PLCZ1: variants seen among roughly 807,000 people sequenced by gnomAD.
PLCZ1 encodes the protein phospholipase C zeta 1.
PLCZ1 carries 64 observed loss-of-function variants against 76.8 expected under a neutral mutation model. That is an observed-to-expected ratio of 0.83 (90% CI 0.68 to 1.03). The LOEUF is 1.03. Ranked by LOEUF, PLCZ1 falls within the 50% of genes least tolerant of loss-of-function variation. The probability of loss-of-function intolerance (pLI) is 0.00; values close to 1 mark genes in which losing one functional copy is unlikely to be tolerated. For missense variants in PLCZ1, 751 were observed against 713.7 expected (o/e 1.05, Z -0.60); for synonymous variants, 248 against 230.8 (o/e 1.07, Z -0.68).
At chr12:18,688,630 C>T (rs1416639685) in intron 12 of PLCZ1, among the ~76,000 whole-genome samples, 1 of 151,618 alleles carries the variant, frequency 6.6e-6, no homozygotes, top group Non-Finnish European at 1.5e-5. Flanking sequence ...CCATTTAACT[C>T]CCTGTGATAG....
intron 11 of PLCZ1, among the ~76,000 whole-genome samples, chr12:18,695,432 T>C (rs1030686479): frequency 1.3e-5 from 2 of 152,120 alleles, no homozygotes; most frequent in Admixed American, 6.6e-5. Flanking sequence ...GGTAAAGACA[T>C]CAACTATGTC....
chr12:18,713,018 T>G (rs1957523508), intron 5 of PLCZ1, 32 bp from the exon 6 acceptor site: 1 of 1,612,288 alleles, frequency 6.2e-7, no homozygotes, highest in Non-Finnish European at 8.5e-7. Flanking sequence ...AAAATGTTAC[T>G]CCTGGACCAT....
At chr12:18,693,590 C>T (rs1592046982) in intron 12 of PLCZ1, 10 of 1,590,304 alleles carry the variant, frequency 6.3e-6, no homozygotes, top group Non-Finnish European at 8.6e-6. Context: ...GGAATTGTTT[C>T]GAGTTGCTGA....
At position 18,684,033 on chromosome 12, in the gene PLCZ1, T is replaced by A. The variant is rs542904950; in HGVS notation, c.1741+97A>T. The A allele has an allele frequency of 5.7e-6, 8 of 1,398,424 alleles. No individual in the cohort carries two copies. The South Asian group carries it at 9.7e-5, about 17-fold the overall frequency. The allele number at this position is 1,398,424 out of a possible 1,614,324, so 86.6% of individuals were successfully genotyped here. On this transcript the variant is annotated intron_variant, in intron 14 of 14. Transcript: ENST00000266505. ...ACATAAAATTTCCTTTACATCCTACTTTATGATAGAGCTATTTGGTATGTC... is the reference window on the plus strand; with the variant it reads ...ACATAAAATTTCCTTTACATCCTACATTATGATAGAGCTATTTGGTATGTC...
At chr12:18,731,434 T>C (rs1455984453) in intron 3 of PLCZ1, among the ~76,000 whole-genome samples, 1 of 152,102 alleles carries the variant, frequency 6.6e-6, no homozygotes. Context: ...GTGTGTCACT[T>C]GTTCCTCTTC....
the PLCZ1 span, among the ~76,000 whole-genome samples, chr12:18,662,999 C>G: frequency 6.6e-6 from 1 of 152,018 alleles, no homozygotes; most frequent in Admixed American, 6.6e-5. Context: ...ACAGAAGTGC[C>G]TCCATATCAG....
rs1353788175 is a variant in PLCZ1, at chr12:18,701,732, G to C, written c.909C>G (p.Thr303=). Residue 303 remains threonine (T), a synonymous_variant, in exon 8 of 15, where the codon ACC becomes ACG. Transcript: ENST00000266505. ...KILVKNKKIG[T]LKETHERKGS... is the part of the protein sequence containing the mutation. ...CTTTTCTTTCATGGGTTTCCTTTAAGGTTCCTATTTTCTTATTTTTAACTA... is the reference window on the plus strand; with the variant it reads ...CTTTTCTTTCATGGGTTTCCTTTAACGTTCCTATTTTCTTATTTTTAACTA... The C allele has an allele frequency of 1.2e-6, 2 of 1,610,920 alleles. No homozygotes were observed. The highest frequency in any genetic ancestry group is 1.7e-6 in the Non-Finnish European group (2 of 1,178,938).
At chr12:18,683,683 A>C in intron 14 of PLCZ1, 1 of 1,228,356 alleles carries the variant, frequency 8.1e-7, no homozygotes, top group Non-Finnish European at 1.1e-6. Context: ...CACAGTGTAA[A>C]TCACCCTGGA....
the PLCZ1 span, among the ~76,000 whole-genome samples, chr12:18,677,228 TTTAAATCCAGAGAGCAAA>T: frequency 6.6e-6 from 1 of 152,080 alleles, no homozygotes; most frequent in African/African-American, 2.4e-5. Context: ...ATGTGAGCAC[TTTAAATCCAGAGAGCAAA>T]ATCTAAACCA....
downstream of PLCZ1, among the ~76,000 whole-genome samples, chr12:18,683,005 AGG>A (rs1188782752): frequency 6.6e-6 from 1 of 152,052 alleles, no homozygotes; most frequent in Non-Finnish European, 1.5e-5. Context: ...CAGCAGCAGA[AGG>A]GCAGGAGAAA....
intron 12 of PLCZ1, among the ~76,000 whole-genome samples, chr12:18,689,522 C>T (rs903685651): frequency 6.6e-6 from 1 of 152,048 alleles, no homozygotes; most frequent in East Asian, 1.9e-4. Context: ...CTTCTTCCAA[C>T]GTGGCCCAGG....
At chr12:18,670,014 C>A in the PLCZ1 span, among the ~76,000 whole-genome samples, 1 of 151,970 alleles carries the variant, frequency 6.6e-6, no homozygotes, top group Non-Finnish European at 1.5e-5. Flanking sequence ...AGTGGCTCAG[C>A]CCTTATGTCT....
intron 12 of PLCZ1, among the ~76,000 whole-genome samples, chr12:18,691,515 A>G (rs774431917): frequency 3.3e-5 from 5 of 152,158 alleles, no homozygotes; most frequent in Non-Finnish European, 7.4e-5. Flanking sequence ...AAATATCTTA[A>G]GGGAAGGCAG....
chr12:18,679,576 C>A (rs556677850), downstream of PLCZ1, among the ~76,000 whole-genome samples: 1 of 151,904 alleles, frequency 6.6e-6, no homozygotes, highest in East Asian at 1.9e-4. Context: ...TGCCTGTAAA[C>A]ATTGCCTCAA....
At chr12:18,650,700 GTGTGTATATATCTATATATATA>G in the PLCZ1 span, among the ~76,000 whole-genome samples, 25 of 43,824 alleles carry the variant, frequency 5.7e-4, 1 homozygote, top group African/African-American at 1.5e-3. Context: ...GTGTGTGTGT[GTGTGTATATATCTATATATATA>G]TATATATATA....
downstream of PLCZ1, among the ~76,000 whole-genome samples, chr12:18,680,834 A>G (rs1952341010): frequency 6.6e-6 from 1 of 152,054 alleles, no homozygotes; most frequent in Non-Finnish European, 1.5e-5. Flanking sequence ...TCAAAAAAGT[A>G]GAGTTCTCCT....
At chr12:18,651,967 C>T in the PLCZ1 span, among the ~76,000 whole-genome samples, 1 of 152,158 alleles carries the variant, frequency 6.6e-6, no homozygotes, top group South Asian at 2.1e-4. Context: ...AAAAGCTCAT[C>T]TCTCCAGGTG....
chr12:18,708,596 A>G (rs1400930977), intron 6 of PLCZ1, among the ~76,000 whole-genome samples: 1 of 152,122 alleles, frequency 6.6e-6, no homozygotes, highest in East Asian at 1.9e-4. Context: ...CTGTATTCCC[A>G]TTGGTGGTAC....
chr12:18,646,000 C>T, the PLCZ1 span, among the ~76,000 whole-genome samples: 1 of 152,012 alleles, frequency 6.6e-6, no homozygotes, highest in African/African-American at 2.4e-5. Flanking sequence ...TCAGACAGCT[C>T]AAAATACCCA....
Sources: gnomAD v4.1 joint callset for allele counts (sites outside exome capture counted in the v4.1 genomes callset) on GRCh38, gnomAD v4.1.1 for gene constraint, MANE v1.5 for transcripts, NCBI Gene and HGNC (gene_info 2026-07-23, HGNC 2026-07-21) for gene names.